DISC1: variants seen among roughly 807,000 people sequenced by gnomAD.
The protein encoded by DISC1 is DISC1 scaffold protein.
In DISC1, 57 loss-of-function variants were observed where a neutral mutation model predicts 84.5. The ratio of observed to expected loss-of-function variants is 0.67; its 90% CI spans 0.55 to 0.84. The LOEUF is 0.84. DISC1 is among the 40% of genes least tolerant of loss of function. DISC1 has a pLI of 0.00. For missense variants in DISC1, 1,000 were observed against 1,057.8 expected (o/e 0.95, Z 0.76); for synonymous variants, 411 against 415.2 (o/e 0.99, Z 0.12).
intron 9 of DISC1, among the ~76,000 whole-genome samples, chr1:231,836,685 G>C (rs2082652549): frequency 6.6e-6 from 1 of 152,036 alleles, no homozygotes. Context: ...TCCACCTTTG[G>C]ACTATCCCCT....
intron 6 of DISC1, among the ~76,000 whole-genome samples, chr1:231,793,698 A>C (rs191510007): frequency 6.6e-6 from 1 of 152,160 alleles, no homozygotes; most frequent in Admixed American, 6.5e-5. Flanking sequence ...CACTTCTTTC[A>C]TATTGCTCTC....
intron 9 of DISC1, among the ~76,000 whole-genome samples, chr1:231,878,725 G>C (rs2086069574): frequency 6.6e-6 from 1 of 152,076 alleles, no homozygotes; most frequent in African/African-American, 2.4e-5. Context: ...CAAGCAACCA[G>C]TACCAAATCA....
chr1:231,963,082 G>A, intron 10 of DISC1, among the ~76,000 whole-genome samples: 1 of 152,080 alleles, frequency 6.6e-6, no homozygotes, highest in East Asian at 1.9e-4. Context: ...TACCAATCTG[G>A]TCATTGCACA....
At chr1:231,984,062 CAGTCTAA>C in intron 10 of DISC1, among the ~76,000 whole-genome samples, 1 of 152,200 alleles carries the variant, frequency 6.6e-6, no homozygotes, top group African/African-American at 2.4e-5. Context: ...CATGAGCAGT[CAGTCTAA>C]CTCCAAATCT....
At chr1:231,889,489 C>T (rs2087041707) in intron 9 of DISC1, among the ~76,000 whole-genome samples, 1 of 152,224 alleles carries the variant, frequency 6.6e-6, no homozygotes, top group Admixed American at 6.5e-5. Flanking sequence ...TTATTGAAAG[C>T]AACTAGACAG....
chr1:231,783,729 G>A (rs551600862), intron 6 of DISC1, among the ~76,000 whole-genome samples: 5 of 152,246 alleles, frequency 3.3e-5, no homozygotes, highest in Admixed American at 1.3e-4. Flanking sequence ...GGGTGTGAAC[G>A]CGTGTGTGTG....
chr1:231,704,421 C>T lies in DISC1; in HGVS notation c.1117+2397C>T, dbSNP rs2066773963. 2.0e-5 allele frequency among the ~76,000 whole-genome samples: 3 copies of T among 152,272 alleles called. No individual in the cohort carries two copies. The South Asian group carries it at 6.2e-4, about 32-fold the overall frequency. ...ATCGTATACAACAGCACTTCTCAGA[C>T]TTTAATGTACTGTGAATAACCTGGG... On this transcript the variant is annotated intron_variant, in intron 3 of 12. Transcript: ENST00000439617.
chr1:231,911,649 GTC>G (rs2126055116), intron 9 of DISC1, among the ~76,000 whole-genome samples: 1 of 152,246 alleles, frequency 6.6e-6, no homozygotes, highest in South Asian at 2.1e-4. Context: ...ACAATTATGT[GTC>G]TTGGAGTTGC....
Position 231,698,279 on chromosome 1 carries a change from C to T in DISC1, c.1047+3474C>T, listed in dbSNP as rs1028232549. ...ACAGAAACTTTATAGAACATAACTA[C>T]AGTACTGTGAATAAGGAGAATCGAC... On this transcript the variant is annotated intron_variant, in intron 2 of 12. Transcript: ENST00000439617. This position sits in a 1 kb window ranked among gnomAD's most constrained non-coding sequence, Gnocchi z 4.9. Among the ~76,000 whole-genome samples the T allele has an allele frequency of 2.6e-5, 4 of 152,180 alleles. No individual in the cohort carries two copies. The highest frequency in any genetic ancestry group is 6.5e-5 in the Admixed American group (1 of 15,288).
At chr1:232,016,207 T>G (rs181959100) in intron 11 of DISC1, among the ~76,000 whole-genome samples, 18 of 152,306 alleles carry the variant, frequency 1.2e-4, no homozygotes, top group Admixed American at 8.5e-4. Context: ...ACACTTAGAG[T>G]TCAAATTTGT....
At chr1:231,953,861 A>G (rs995311625) in intron 9 of DISC1, among the ~76,000 whole-genome samples, 7 of 152,098 alleles carry the variant, frequency 4.6e-5, no homozygotes, top group African/African-American at 1.2e-4. Context: ...CTTCCTTATT[A>G]ATTGAGGGTG....
chr1:231,975,119 T>TAAC (rs199849940), intron 10 of DISC1, among the ~76,000 whole-genome samples: 10 of 151,310 alleles, frequency 6.6e-5, no homozygotes, highest in South Asian at 2.1e-4. Context: ...AAAACAACAA[T>TAAC]AACAACAACA....
At position 231,897,707 on chromosome 1, in the gene DISC1, A is replaced by G. The variant is rs1003852384; in HGVS notation, c.1982-61121A>G. ...TTGTAGTAACAGGGCCTCCTGGTGC[A>G]TTGAAACACCTGGTTTACTTCACAC... On this transcript the variant is annotated intron_variant, in intron 9 of 12. Coordinates refer to ENST00000439617, the MANE Select transcript of DISC1 (RefSeq NM_018662.3). This position sits in a 1 kb window ranked among gnomAD's most constrained non-coding sequence, Gnocchi z 4.5. 1.3e-5 allele frequency among the ~76,000 whole-genome samples: 2 copies of G among 152,184 alleles called. No homozygotes were observed. Among genetic ancestry groups the G allele is most frequent in the Non-Finnish European group, 2.9e-5 (2 of 68,036 alleles).
At chr1:231,628,804 C>G (rs1003631649) in intron 1 of DISC1, among the ~76,000 whole-genome samples, 1 of 152,158 alleles carries the variant, frequency 6.6e-6, no homozygotes, top group South Asian at 2.1e-4. Flanking sequence ...TGCAGTGGCA[C>G]AATCATGGCT....
At chr1:231,973,814 T>A (rs1306910006) in intron 10 of DISC1, among the ~76,000 whole-genome samples, 2 of 152,200 alleles carry the variant, frequency 1.3e-5, no homozygotes, top group Non-Finnish European at 2.9e-5. Flanking sequence ...GTATTAATAG[T>A]AATAGCAAGG....
In DISC1 at chr1:231,799,991, C is replaced by G. The variant is rs181820320; in HGVS notation, c.1690-117C>G. 210 of 615,444 alleles carry G rather than the reference C, an allele frequency of 3.4e-4. No individual in the cohort carries two copies. In the African/African-American group the frequency reaches 4.5e-3, roughly 13 times the overall value. The allele number at this position is 615,444 out of a possible 1,614,324, so 38.1% of individuals were successfully genotyped here. On this transcript the variant is annotated intron_variant, in intron 7 of 12. Transcript: ENST00000439617. The stretch of plus-strand genomic sequence containing the variant: ...CTTTTTGAACATTGTCTTCCAATTA[C>G]TTTTCATCACCCCTTTTAATTACTT...
At chr1:231,910,637 A>G (rs1242688646) in intron 9 of DISC1, among the ~76,000 whole-genome samples, 1 of 152,172 alleles carries the variant, frequency 6.6e-6, no homozygotes, top group Non-Finnish European at 1.5e-5. Context: ...GGTGCTGAGA[A>G]GAATGTATAT....
chr1:231,969,070 A>T (rs577571345), intron 10 of DISC1, among the ~76,000 whole-genome samples: 1 of 152,292 alleles, frequency 6.6e-6, no homozygotes, highest in Admixed American at 6.5e-5. Flanking sequence ...TTATAAAAAC[A>T]GAAGAGAATA....
At chr1:231,871,223 T>C (rs1276917292) in intron 9 of DISC1, among the ~76,000 whole-genome samples, 1 of 152,174 alleles carries the variant, frequency 6.6e-6, no homozygotes, top group Non-Finnish European at 1.5e-5. Context: ...CAAATGCATA[T>C]ATACTTTGCA....
Sources: allele counts gnomAD v4.1 joint callset (sites outside exome capture counted in the v4.1 genomes callset), GRCh38; gene constraint gnomAD v4.1.1; non-coding constraint Gnocchi (gnomAD v3.1); transcripts MANE v1.5; gene names NCBI Gene and HGNC (gene_info 2026-07-23, HGNC 2026-07-21).